Variants in ARMH3 observed in about 807,000 individuals in gnomAD.
The protein encoded by ARMH3 is armadillo like helical domain containing 3, also known as armadillo-like helical domain-containing protein 3.
In ARMH3, 60 loss-of-function variants were observed where a neutral mutation model predicts 99.1. The ratio of observed to expected loss-of-function variants is 0.61; its 90% CI spans 0.49 to 0.75. The LOEUF is 0.75. Among genes scored for constraint, ARMH3 ranks in the 30% least tolerant of loss-of-function variants. ARMH3 has a pLI of 0.00. For missense variants in ARMH3, 679 were observed against 843.1 expected, an observed-to-expected ratio of 0.81 and a Z score of 2.41; for synonymous variants, 285 against 292.8, an observed-to-expected ratio of 0.97 and a Z score of 0.27.
chr10:102,039,447 A>T (rs972574442), intron 2 of ARMH3, among the ~76,000 whole-genome samples: 3 of 152,162 alleles, frequency 2.0e-5, no homozygotes, highest in African/African-American at 7.2e-5. Context: ...CCAGCCCCTG[A>T]TAGGGTATAT....
At chr10:101,963,367 G>A (rs943785581) in intron 20 of ARMH3, among the ~76,000 whole-genome samples, 1 of 151,906 alleles carries the variant, frequency 6.6e-6, no homozygotes, top group African/African-American at 2.4e-5. Flanking sequence ...TCCTGACCTC[G>A]TGATCCGGTC....
intron 22 of ARMH3, among the ~76,000 whole-genome samples, chr10:101,949,099 A>C (rs528214925): frequency 6.6e-6 from 1 of 152,270 alleles, no homozygotes; most frequent in African/African-American, 2.4e-5. Context: ...AGCAGTACTT[A>C]AAGGGAAATT....
intron 20 of ARMH3, among the ~76,000 whole-genome samples, chr10:101,957,957 T>G (rs767234010): frequency 1.3e-5 from 2 of 152,208 alleles, no homozygotes; most frequent in Non-Finnish European, 2.9e-5. Context: ...AAATAGCTAC[T>G]TCTTTTTGCC....
intron 23 of ARMH3, among the ~76,000 whole-genome samples, chr10:101,932,458 T>A (rs112058420): frequency 6.6e-6 from 1 of 152,212 alleles, no homozygotes; most frequent in Non-Finnish European, 1.5e-5. Context: ...GAGATTTACA[T>A]ACACTCATGT....
chr10:101,965,971 C>G (rs1305317404), intron 20 of ARMH3, among the ~76,000 whole-genome samples: 2 of 152,078 alleles, frequency 1.3e-5, no homozygotes, highest in East Asian at 3.8e-4. Flanking sequence ...TATGCACATG[C>G]AGATAGAATA....
In ARMH3 at chr10:101,956,685, G is replaced by C. The variant is rs771732721; in HGVS notation, c.1617C>G (p.Asp539Glu). ...AGCTGCTGGGGGTTGGCAGAAATGT[G>C]TCGCCATATGTGATAAACATATTAA... The part of the protein sequence containing the change: ...NLFNMFITYG[D>E]TFLPTPSSYD... The change falls in exon 22 of 26, where the codon GAC becomes GAG. Residue 539 changes from aspartate (D) to glutamate (E), a missense_variant. This residue lies in a region of ARMH3 where 389 missense variants were observed against 456.5 expected (regional missense o/e 0.85). Transcript: ENST00000370033. 1 of 1,613,596 alleles carries C rather than the reference G, an allele frequency of 6.2e-7. No homozygotes were observed. Among genetic ancestry groups the C allele is most frequent in the Admixed American group, 1.7e-5 (1 of 60,004 alleles).
intron 9 of ARMH3, among the ~76,000 whole-genome samples, chr10:102,013,436 T>C (rs370238585): frequency 5.9e-5 from 9 of 152,192 alleles, no homozygotes; most frequent in African/African-American, 1.2e-4. Context: ...ATAAAGGAAA[T>C]TGGAAAGAAG....
chr10:101,952,912 T>C (rs766452426), intron 22 of ARMH3, among the ~76,000 whole-genome samples: 2 of 152,266 alleles, frequency 1.3e-5, no homozygotes, highest in Admixed American at 6.5e-5. Context: ...ATATAAGTAC[T>C]ACCCCTTTGT....
intron 24 of ARMH3, among the ~76,000 whole-genome samples, chr10:101,884,380 T>C (rs2067490449): frequency 6.6e-6 from 1 of 152,220 alleles, no homozygotes; most frequent in Non-Finnish European, 1.5e-5. Flanking sequence ...GCATGCTTAC[T>C]AAAAAGCCAC....
At chr10:102,053,784 T>C (rs974397942) in intron 1 of ARMH3, among the ~76,000 whole-genome samples, 3 of 151,896 alleles carry the variant, frequency 2.0e-5, no homozygotes, top group African/African-American at 7.2e-5. Flanking sequence ...CTCAGCCTCC[T>C]AGTAGCTGGC....
At chr10:101,921,122 T>G (rs886307310) in intron 23 of ARMH3, among the ~76,000 whole-genome samples, 3 of 152,164 alleles carry the variant, frequency 2.0e-5, no homozygotes, top group Non-Finnish European at 4.4e-5. Flanking sequence ...GATGGCAAAT[T>G]TTATATTTCT....
chr10:102,041,495 A>G (rs1003423244), intron 1 of ARMH3, among the ~76,000 whole-genome samples: 7 of 152,184 alleles, frequency 4.6e-5, no homozygotes, highest in African/African-American at 1.7e-4. Context: ...ATCAAAATCA[A>G]AATTTTGTTT....
At chr10:101,989,634 T>TGGGAAG (rs1846676376) in intron 19 of ARMH3, among the ~76,000 whole-genome samples, 1 of 152,054 alleles carries the variant, frequency 6.6e-6, no homozygotes, top group Admixed American at 6.5e-5. Flanking sequence ...GGCAGAAGAA[T>TGGGAAG]CACTTGAACC....
intron 23 of ARMH3, among the ~76,000 whole-genome samples, chr10:101,921,150 T>G (rs1843291744): frequency 6.6e-6 from 1 of 152,212 alleles, no homozygotes; most frequent in South Asian, 2.1e-4. Context: ...ATTTAAAATC[T>G]TAAAAACGTT....
Position 101,847,601 on chromosome 10 carries a change from TTG to T in ARMH3, c.1995_1996del (p.Asn666ArgfsTer67). ...GTGGAAGGCCAGGTTTCTCCGGACGTTGGTGCTAATGGATCGAACCTGGGAAA... is the reference window on the plus strand; with the variant it reads ...GTGGAAGGCCAGGTTTCTCCGGACGTGTGCTAATGGATCGAACCTGGGAAA... On this transcript the variant is annotated frameshift_variant, in exon 26 of 26. Coordinates refer to ENST00000370033, the MANE Select transcript of ARMH3 (RefSeq NM_024541.3). LOFTEE classifies it high-confidence loss of function. 1 of 1,614,118 alleles carries T rather than the reference TTG, an allele frequency of 6.2e-7. No individual in the cohort carries two copies. Among genetic ancestry groups the T allele is most frequent in the East Asian group, 2.2e-5 (1 of 44,876 alleles).
intron 11 of ARMH3, 36 bp from the exon 12 acceptor site, chr10:102,010,059 G>A: frequency 6.3e-7 from 1 of 1,599,034 alleles, no homozygotes; most frequent in Non-Finnish European, 8.6e-7. Context: ...ACTTATAGCA[G>A]GAGGATATGA....
chr10:101,878,926 TAA>T (rs1470740420), intron 24 of ARMH3, among the ~76,000 whole-genome samples: 1 of 152,188 alleles, frequency 6.6e-6, no homozygotes, highest in East Asian at 1.9e-4. Flanking sequence ...TTGATTGGAA[TAA>T]AGAGTCTCTT....
chr10:102,055,099 A>G (rs1471993479), intron 1 of ARMH3, among the ~76,000 whole-genome samples: 1 of 151,638 alleles, frequency 6.6e-6, no homozygotes, highest in Non-Finnish European at 1.5e-5. Flanking sequence ...AGGCGGGCGG[A>G]TCACCTGAGG....
chr10:101,947,558 T>A (rs1278132459), intron 22 of ARMH3, among the ~76,000 whole-genome samples: 5 of 151,930 alleles, frequency 3.3e-5, no homozygotes, highest in Admixed American at 1.3e-4. Context: ...CCCAGCACTT[T>A]GGGAGGCCAA....
Sources: allele counts gnomAD v4.1 joint callset (sites outside exome capture counted in the v4.1 genomes callset), GRCh38; gene constraint gnomAD v4.1.1; regional missense constraint gnomAD v4.1.1; transcripts MANE v1.5; gene names NCBI Gene and HGNC (gene_info 2026-07-23, HGNC 2026-07-21).